The following BCAS3 variants were observed in gnomAD, a reference collection of about 807,000 sequenced individuals.
The protein encoded by BCAS3 is BCAS3 microtubule associated cell migration factor.
BCAS3 carries 53 observed loss-of-function variants against 116.1 expected under a neutral mutation model. The ratio of observed to expected loss-of-function variants is 0.46; its 90% CI spans 0.37 to 0.57. The LOEUF (loss-of-function observed/expected upper bound fraction) is 0.57, where lower values mean the gene tolerates loss of function less well. Ranked by LOEUF, BCAS3 falls within the 20% of genes least tolerant of loss-of-function variation. The pLI is 0.00. For missense variants in BCAS3, 917 were observed against 1,165.4 expected (o/e 0.79, Z 3.10); for synonymous variants, 391 against 408.2 (o/e 0.96, Z 0.51).
At chr17:60,957,964 G>T (rs560117865) in intron 14 of BCAS3, among the ~76,000 whole-genome samples, 1 of 152,314 alleles carries the variant, frequency 6.6e-6, no homozygotes, top group East Asian at 1.9e-4. Flanking sequence ...ACTAAACAAT[G>T]AACAGTAGTT....
At chr17:60,747,167 A>C (rs1421862305) in intron 5 of BCAS3, 31 bp from the exon 6 acceptor site, 2 of 1,470,406 alleles carry the variant, frequency 1.4e-6, no homozygotes. Flanking sequence ...TCATTTTCCC[A>C]CTGAAATATT....
intron 14 of BCAS3, among the ~76,000 whole-genome samples, chr17:60,974,992 C>CTTTTTTTTTTTTTT (rs1568007292): frequency 7.0e-6 from 1 of 142,026 alleles, no homozygotes; most frequent in African/African-American, 3.0e-5. Context: ...GTTTTTTTTG[C>CTTTTTTTTTTTTTT]TTTTTTGTTT....
At chr17:60,712,135 A>G (rs1290836416) in intron 5 of BCAS3, among the ~76,000 whole-genome samples, 1 of 152,218 alleles carries the variant, frequency 6.6e-6, no homozygotes, top group African/African-American at 2.4e-5. Context: ...ACTGCACTCC[A>G]GCCTGGGTGA....
intron 23 of BCAS3, among the ~76,000 whole-genome samples, chr17:61,369,433 T>G (rs1288050509): frequency 6.6e-6 from 1 of 152,156 alleles, no homozygotes; most frequent in Non-Finnish European, 1.5e-5. Context: ...AAGGAGAAAC[T>G]TACAACAATG....
intron 22 of BCAS3, among the ~76,000 whole-genome samples, chr17:61,289,383 A>G (rs1483699664): frequency 1.3e-5 from 2 of 152,298 alleles, no homozygotes; most frequent in East Asian, 1.9e-4. Flanking sequence ...AACATCAGAC[A>G]TGGCTGTTTA....
At chr17:61,057,453 C>T (rs1484805750) in intron 19 of BCAS3, among the ~76,000 whole-genome samples, 1 of 152,200 alleles carries the variant, frequency 6.6e-6, no homozygotes, top group Non-Finnish European at 1.5e-5. Flanking sequence ...TGACTTCCTT[C>T]ACATTGTTAC....
chr17:60,770,605 G>A (rs1455298864), intron 6 of BCAS3, among the ~76,000 whole-genome samples: 1 of 150,348 alleles, frequency 6.7e-6, no homozygotes, highest in Non-Finnish European at 1.5e-5. Context: ...TTTTAGTAGA[G>A]ACAAGGTTTC....
At chr17:60,909,126 C>G (rs376685973) in intron 11 of BCAS3, among the ~76,000 whole-genome samples, 1 of 152,142 alleles carries the variant, frequency 6.6e-6, no homozygotes, top group Admixed American at 6.5e-5. Flanking sequence ...TGTTAAGTGC[C>G]TTTACCAGTC....
At chr17:61,099,270 T>C (rs1018771388) in intron 22 of BCAS3, among the ~76,000 whole-genome samples, 1 of 152,196 alleles carries the variant, frequency 6.6e-6, no homozygotes, top group African/African-American at 2.4e-5. Context: ...TTGCCTGGTA[T>C]TGGTACCTTC....
chr17:60,838,064 C>T (rs1348604205), intron 7 of BCAS3, among the ~76,000 whole-genome samples: 1 of 151,988 alleles, frequency 6.6e-6, no homozygotes, highest in African/African-American at 2.4e-5. Context: ...TACAAGAACT[C>T]AGGGAAGACA....
At chr17:61,372,370 T>C (rs1333238045) in intron 23 of BCAS3, among the ~76,000 whole-genome samples, 1 of 152,226 alleles carries the variant, frequency 6.6e-6, no homozygotes, top group Admixed American at 6.5e-5. Context: ...GTCTTGGCCC[T>C]GGTCTCTTCT....
chr17:60,740,338 T>A (rs1275457406), intron 5 of BCAS3, among the ~76,000 whole-genome samples: 1 of 150,896 alleles, frequency 6.6e-6, no homozygotes, highest in African/African-American at 2.4e-5. Flanking sequence ...TACAAAAACA[T>A]ACAAAAAAAT....
At chr17:61,297,762 T>C (rs866594347) in intron 22 of BCAS3, among the ~76,000 whole-genome samples, 29 of 152,162 alleles carry the variant, frequency 1.9e-4, no homozygotes, top group African/African-American at 6.5e-4. Flanking sequence ...GTGTTCGTGT[T>C]CACTGTGAGA....
In BCAS3 at chr17:61,369,848, G is replaced by T. The variant is rs556011725; in HGVS notation, c.2593+1354G>T. Among the ~76,000 whole-genome samples the T allele has an allele frequency of 6.6e-5, 10 of 152,378 alleles. No individual in the cohort carries two copies. The East Asian group carries it at 1.9e-3, about 29-fold the overall frequency. The stretch of plus-strand genomic sequence containing the variant: ...TCCCCTGGAAGGGGGCCTAAGTGAG[G>T]AATGTGGCTTACGGCACAGGCTTTT... On this transcript the variant is annotated intron_variant, in intron 23 of 23. Coordinates refer to ENST00000407086, the MANE Select transcript of BCAS3 (RefSeq NM_017679.5).
Position 61,219,776 on chromosome 17 carries a change from C to T in BCAS3, c.2425+135212C>T, listed in dbSNP as rs1241482006. Among the ~76,000 whole-genome samples, 1 of 152,116 alleles carries T rather than the reference C, an allele frequency of 6.6e-6. No homozygotes were observed. The highest frequency in any genetic ancestry group is 6.6e-5 in the Admixed American group (1 of 15,260). ...ATGGCCGCCTTCCTGGTGACAAGCA[C>T]TTCTTATTTGGGCTGAGCAGTACTA... On this transcript the variant is annotated intron_variant, in intron 22 of 23. Transcript: ENST00000407086. The surrounding 1 kb of genome is among the most constrained non-coding windows in gnomAD (Gnocchi z 5.2).
intron 22 of BCAS3, among the ~76,000 whole-genome samples, chr17:61,091,141 C>A (rs1031444016): frequency 6.6e-6 from 1 of 152,160 alleles, no homozygotes; most frequent in African/African-American, 2.4e-5. Context: ...TTGAATAAAT[C>A]TTTGTGTCAA....
At chr17:61,374,871 G>A (rs1191233704) in intron 23 of BCAS3, among the ~76,000 whole-genome samples, 2 of 151,978 alleles carry the variant, frequency 1.3e-5, no homozygotes, top group African/African-American at 2.4e-5. Flanking sequence ...AAATGCACTC[G>A]TGACCCACTA....
intron 14 of BCAS3, among the ~76,000 whole-genome samples, chr17:60,965,696 G>T (rs557652821): frequency 6.6e-6 from 1 of 152,002 alleles, no homozygotes. Context: ...GTCCATTGTG[G>T]CCAGAAAAGA....
chr17:60,764,551 G>A (rs1316143226), intron 6 of BCAS3, among the ~76,000 whole-genome samples: 5 of 152,160 alleles, frequency 3.3e-5, no homozygotes, highest in South Asian at 2.1e-4. Context: ...TTGTACTGTG[G>A]TCTGAGAGAC....
Sources: gnomAD v4.1 joint callset for allele counts (sites outside exome capture counted in the v4.1 genomes callset) on GRCh38, gnomAD v4.1.1 for gene constraint, Gnocchi (gnomAD v3.1) non-coding constraint, MANE v1.5 for transcripts, NCBI Gene and HGNC (gene_info 2026-07-23, HGNC 2026-07-21) for gene names.